Variants in FOXP2 observed in about 807,000 individuals in gnomAD.
FOXP2 encodes forkhead box P2, also known as forkhead box protein P2.
In FOXP2, 12 loss-of-function variants were observed where a neutral mutation model predicts 115.8. The observed-to-expected ratio is 0.10, with a 90% confidence interval of 0.07 to 0.17. FOXP2 has a LOEUF of 0.17. FOXP2 is among the 10% of genes least tolerant of loss of function. FOXP2 has a pLI of 1.00. For missense variants in FOXP2, 629 were observed against 843.5 expected (o/e 0.75, Z 3.15); for synonymous variants, 328 against 297.7 (o/e 1.10, Z -1.05).
intron 1 of FOXP2, among the ~76,000 whole-genome samples, chr7:114,268,950 C>A (rs1432463250): frequency 6.6e-6 from 1 of 152,082 alleles, no homozygotes; most frequent in East Asian, 1.9e-4. Context: ...ATAAAGACAA[C>A]ACTAGTCCAG....
chr7:114,269,040 C>A (rs1795971121), intron 1 of FOXP2, among the ~76,000 whole-genome samples: 5 of 152,178 alleles, frequency 3.3e-5, no homozygotes, highest in Admixed American at 3.3e-4. Flanking sequence ...AAGACATTTT[C>A]TTTGTTTCAC....
chr7:114,650,428 GA>G (rs5886718), intron 8 of FOXP2, among the ~76,000 whole-genome samples: 73,005 of 150,110 alleles, frequency 0.49, 18,540 homozygotes, highest in East Asian at 0.96. Flanking sequence ...AGTTCATGGT[GA>G]AAAAAAAAAA....
intron 2 of FOXP2, among the ~76,000 whole-genome samples, chr7:114,377,504 A>G (rs898189250): frequency 4.6e-5 from 7 of 152,230 alleles, no homozygotes; most frequent in Admixed American, 3.9e-4. Flanking sequence ...TAACATGAGA[A>G]GAACTATTTA....
chr7:114,098,956 G>A (rs936229819), intron 1 of FOXP2, among the ~76,000 whole-genome samples: 1 of 152,106 alleles, frequency 6.6e-6, no homozygotes, highest in African/African-American at 2.4e-5. Context: ...GCAACATGGT[G>A]AAACCATGTC....
At chr7:114,152,575 G>A (rs765613432) in intron 1 of FOXP2, among the ~76,000 whole-genome samples, 3 of 152,178 alleles carry the variant, frequency 2.0e-5, no homozygotes, top group Non-Finnish European at 4.4e-5. Flanking sequence ...AGAGGTAACA[G>A]TCTCTTGTGG....
At chr7:114,636,009 C>T (rs1230078996) in intron 6 of FOXP2, among the ~76,000 whole-genome samples, 1 of 152,124 alleles carries the variant, frequency 6.6e-6, no homozygotes, top group African/African-American at 2.4e-5. Flanking sequence ...CCTACTTCTG[C>T]TAAATTTGGC....
chr7:114,402,599 C>A (rs1175594092), intron 2 of FOXP2, among the ~76,000 whole-genome samples: 2 of 151,824 alleles, frequency 1.3e-5, no homozygotes, highest in Non-Finnish European at 2.9e-5. Flanking sequence ...AAATGGCACC[C>A]CTGCAAAAAC....
chr7:114,244,769 C>A (rs1795235361), intron 1 of FOXP2, among the ~76,000 whole-genome samples: 2 of 149,578 alleles, frequency 1.3e-5, no homozygotes, highest in Admixed American at 1.3e-4. Flanking sequence ...ATAGTGTTTT[C>A]TTTTTTTTTT....
At chr7:114,334,956 T>C (rs1797812700) in intron 2 of FOXP2, among the ~76,000 whole-genome samples, 1 of 143,324 alleles carries the variant, frequency 7.0e-6, no homozygotes, top group African/African-American at 2.5e-5. Context: ...TATATATATA[T>C]ATAGAAATCC....
At chr7:114,374,771 C>T (rs750590126) in intron 2 of FOXP2, among the ~76,000 whole-genome samples, 3 of 152,130 alleles carry the variant, frequency 2.0e-5, no homozygotes, top group Non-Finnish European at 4.4e-5. Flanking sequence ...GGCAATGTAG[C>T]GCACAGTGAG....
At chr7:114,453,779 A>G (rs1259467234) in intron 2 of FOXP2, among the ~76,000 whole-genome samples, 4 of 152,182 alleles carry the variant, frequency 2.6e-5, no homozygotes, top group East Asian at 1.9e-4. Context: ...AGGATTCCCT[A>G]TTTAATAAAT....
At chr7:114,127,823 CTTTCCTCTTTTCT>C (rs1791758478) in intron 1 of FOXP2, among the ~76,000 whole-genome samples, 1 of 152,110 alleles carries the variant, frequency 6.6e-6, no homozygotes, top group East Asian at 1.9e-4. Flanking sequence ...TCCACTTTTC[CTTTCCTCTTTTCT>C]TCTCCCAGAA....
chr7:114,628,802 G>T lies in FOXP2; in HGVS notation c.396+125G>T, dbSNP rs138295688. ...GAAAGGACAACCTATTAGCGTGCTA[G>T]AACATAAATGTAACATTTTAATTAT... On this transcript the variant is annotated intron_variant, in intron 4 of 16. Coordinates refer to ENST00000350908, the MANE Select transcript of FOXP2 (RefSeq NM_014491.4). The T allele has an allele frequency of 4.1e-4, 458 of 1,117,694 alleles. 5 individuals are homozygous for T. The East Asian group carries it at 0.011, about 26-fold the overall frequency. 69.2% of individuals were successfully genotyped at this position (1,117,694 alleles called of 1,614,324 possible). A position where few individuals can be genotyped will look rare whatever the true frequency, so the allele number is the denominator to read the frequency against.
chr7:114,446,550 T>C, intron 2 of FOXP2, among the ~76,000 whole-genome samples: 1 of 152,012 alleles, frequency 6.6e-6, no homozygotes, highest in East Asian at 1.9e-4. Context: ...AAAGCTGATT[T>C]ATATATAATC....
intron 2 of FOXP2, among the ~76,000 whole-genome samples, chr7:114,521,386 A>C (rs1562973735): frequency 1.3e-5 from 2 of 151,916 alleles, no homozygotes; most frequent in Admixed American, 1.3e-4. Flanking sequence ...AACAAACAAA[A>C]CAACTGGGTA....
chr7:114,202,836 A>G (rs1426345072), intron 1 of FOXP2, among the ~76,000 whole-genome samples: 2 of 152,200 alleles, frequency 1.3e-5, no homozygotes, highest in Non-Finnish European at 2.9e-5. Context: ...ATAGGAACTC[A>G]ATAAATTTTA....
At chr7:114,372,512 T>C (rs190770011) in intron 2 of FOXP2, among the ~76,000 whole-genome samples, 124 of 152,350 alleles carry the variant, frequency 8.1e-4, no homozygotes, top group African/African-American at 2.5e-3. Context: ...TTAAAAGCAC[T>C]GACTGAGTAC....
chr7:114,621,804 G>A (rs1804271684), intron 3 of FOXP2, among the ~76,000 whole-genome samples: 1 of 151,938 alleles, frequency 6.6e-6, no homozygotes, highest in Non-Finnish European at 1.5e-5. Flanking sequence ...GTTTTGAAGA[G>A]TTTCAGTCTT....
chr7:114,266,731 C>T (rs1394361742), intron 1 of FOXP2, among the ~76,000 whole-genome samples: 1 of 152,116 alleles, frequency 6.6e-6, no homozygotes, highest in Non-Finnish European at 1.5e-5. Context: ...TTGCTTAATA[C>T]CTTGAATCAG....
Sources: allele counts gnomAD v4.1 joint callset (sites outside exome capture counted in the v4.1 genomes callset), GRCh38; gene constraint gnomAD v4.1.1; transcripts MANE v1.5; gene names NCBI Gene and HGNC (gene_info 2026-07-23, HGNC 2026-07-21).